The following FOXP1 variants were observed in gnomAD, a reference collection of about 807,000 sequenced individuals.
The protein encoded by FOXP1 is forkhead box protein P1.
Under a neutral mutation model 98.2 loss-of-function variants are expected in FOXP1, and 15 were observed. The ratio of observed to expected loss-of-function variants is 0.15; its 90% CI spans 0.10 to 0.24. The LOEUF is 0.24. Among genes scored for constraint, FOXP1 ranks in the 10% least tolerant of loss-of-function variants. FOXP1 has a pLI of 1.00. For missense variants in FOXP1, 633 were observed against 848.5 expected (o/e 0.75, Z 3.15); for synonymous variants, 371 against 314.5 (o/e 1.18, Z -1.90).
At chr3:71,293,298 A>C (rs1260831643) in intron 5 of FOXP1, among the ~76,000 whole-genome samples, 1 of 152,218 alleles carries the variant, frequency 6.6e-6, no homozygotes, top group Admixed American at 6.5e-5. Flanking sequence ...CAGCAAAAAC[A>C]TCATTTAAAA....
chr3:70,961,768 A>G (rs927972875), intron 20 of FOXP1, among the ~76,000 whole-genome samples: 7 of 152,184 alleles, frequency 4.6e-5, no homozygotes, highest in Admixed American at 4.6e-4. Context: ...AATGGCATTA[A>G]AGCAAGTACA....
At chr3:71,025,311 C>T (rs996792617) in intron 11 of FOXP1, among the ~76,000 whole-genome samples, 12 of 152,030 alleles carry the variant, frequency 7.9e-5, no homozygotes, top group East Asian at 5.8e-4. Flanking sequence ...GATATAAATC[C>T]GATTCGGTGG....
At chr3:71,570,126 A>G (rs1460822798) in intron 2 of FOXP1, 2 of 152,020 alleles carry the variant, frequency 1.3e-5, no homozygotes, top group African/African-American at 4.8e-5. Context: ...ACAAGTCCCT[A>G]CCTGAGGGGT....
chr3:71,392,705 A>T (rs2081119682), intron 3 of FOXP1, among the ~76,000 whole-genome samples: 1 of 152,234 alleles, frequency 6.6e-6, no homozygotes. Context: ...CTTTTCCATG[A>T]ACATATAATT....
chr3:71,031,748 A>T (rs1396174245), intron 11 of FOXP1, among the ~76,000 whole-genome samples: 1 of 152,152 alleles, frequency 6.6e-6, no homozygotes, highest in African/African-American at 2.4e-5. Flanking sequence ...AAACAAACAA[A>T]AAACAAAAAA....
intron 4 of FOXP1, among the ~76,000 whole-genome samples, chr3:71,327,628 C>G (rs925262225): frequency 8.6e-5 from 13 of 151,678 alleles, no homozygotes; most frequent in African/African-American, 2.2e-4. Flanking sequence ...ACCTCATGAT[C>G]TGCCCGCCTC....
intron 2 of FOXP1, among the ~76,000 whole-genome samples, chr3:71,549,460 C>T (rs1449632918): frequency 4.6e-5 from 7 of 152,184 alleles, no homozygotes; most frequent in Admixed American, 4.6e-4. Flanking sequence ...CTGCAACCTC[C>T]ACCTCCCAGG....
intron 2 of FOXP1, among the ~76,000 whole-genome samples, chr3:71,538,464 A>G (rs1487268398): frequency 6.6e-6 from 1 of 152,268 alleles, no homozygotes; most frequent in Non-Finnish European, 1.5e-5. Flanking sequence ...CAATGTTTGC[A>G]AAGTTCATCA....
At chr3:71,304,970 A>T (rs974063184) in intron 4 of FOXP1, among the ~76,000 whole-genome samples, 1 of 152,202 alleles carries the variant, frequency 6.6e-6, no homozygotes, top group African/African-American at 2.4e-5. Context: ...ATCTTCACAC[A>T]GGACATATCT....
intron 6 of FOXP1, among the ~76,000 whole-genome samples, chr3:71,119,348 G>C (rs908367705): frequency 3.9e-5 from 6 of 152,102 alleles, no homozygotes; most frequent in Admixed American, 3.9e-4. Context: ...CTGAGAAGTT[G>C]TCCCATTTCC....
intron 7 of FOXP1, among the ~76,000 whole-genome samples, chr3:71,072,811 G>T (rs956273758): frequency 6.6e-6 from 1 of 152,192 alleles, no homozygotes; most frequent in African/African-American, 2.4e-5. Context: ...TAAGCATCAG[G>T]TGGCTGCTAC....
intron 6 of FOXP1, among the ~76,000 whole-genome samples, chr3:71,196,860 G>T (rs2108371033): frequency 6.6e-6 from 1 of 152,270 alleles, no homozygotes; most frequent in Non-Finnish European, 1.5e-5. Flanking sequence ...ATGGGTTTGG[G>T]CTGCCAATGA....
chr3:71,381,941 C>T (rs763217395), intron 3 of FOXP1, among the ~76,000 whole-genome samples: 94 of 152,224 alleles, frequency 6.2e-4, no homozygotes, highest in Admixed American at 1.4e-3. Context: ...ATTTGATTAA[C>T]GTCAAAGTCT....
intron 2 of FOXP1, among the ~76,000 whole-genome samples, chr3:71,499,737 T>C (rs2041197473): frequency 6.6e-6 from 1 of 152,146 alleles, no homozygotes; most frequent in African/African-American, 2.4e-5. Context: ...GGCACCAAAA[T>C]AGAAAGGGAA....
chr3:71,184,830 A>C (rs1267246543), intron 6 of FOXP1, among the ~76,000 whole-genome samples: 2 of 151,894 alleles, frequency 1.3e-5, no homozygotes, highest in African/African-American at 2.4e-5. Flanking sequence ...CACACTTTTC[A>C]GGGAAAAAGT....
intron 2 of FOXP1, among the ~76,000 whole-genome samples, chr3:71,522,835 C>G (rs2043095920): frequency 6.6e-6 from 1 of 152,198 alleles, no homozygotes. Context: ...AAGAGAGACA[C>G]TGCCATGTCT....
At position 70,999,128 on chromosome 3, in the gene FOXP1, C is replaced by T. The variant is rs535230270; in HGVS notation, c.1062+1844G>A. Among the ~76,000 whole-genome samples, 168 of 152,154 alleles carry T rather than the reference C, an allele frequency of 1.1e-3. 1 individual carries two copies. Among genetic ancestry groups the T allele is most frequent in the African/African-American group, 3.6e-3 (148 of 41,504 alleles). ...TTTTTGAGATGGAGTCTCACTCTGT[C>T]GCCCAGGCTGGAGTGCAGTGGCGCG... is the stretch of plus-strand genomic sequence containing the variant. On this transcript the variant is annotated intron_variant, in intron 13 of 20. Coordinates refer to ENST00000649528, the MANE Select transcript of FOXP1 (RefSeq NM_001349338.3).
chr3:71,347,007 G>C (rs1040195771), intron 4 of FOXP1, among the ~76,000 whole-genome samples: 4 of 152,080 alleles, frequency 2.6e-5, no homozygotes, highest in African/African-American at 9.7e-5. Context: ...TTGCACTCCA[G>C]CCTGGCAACA....
chr3:71,017,822 A>T (rs1459478990), intron 11 of FOXP1, among the ~76,000 whole-genome samples: 1 of 152,232 alleles, frequency 6.6e-6, no homozygotes, highest in Non-Finnish European at 1.5e-5. Flanking sequence ...ACCAGAAGAT[A>T]CATTCAGAGA....
Sources: gnomAD v4.1 joint callset for allele counts (sites outside exome capture counted in the v4.1 genomes callset) on GRCh38, gnomAD v4.1.1 for gene constraint, MANE v1.5 for transcripts, NCBI Gene and HGNC (gene_info 2026-07-23, HGNC 2026-07-21) for gene names.